Variants in CPNE8 observed in about 807,000 individuals in gnomAD.
CPNE8 encodes copine-8.
CPNE8 carries 45 observed loss-of-function variants against 81.5 expected under a neutral mutation model. The ratio of observed to expected loss-of-function variants is 0.55; its 90% CI spans 0.44 to 0.71. The LOEUF (loss-of-function observed/expected upper bound fraction) is 0.71, where lower values mean the gene tolerates loss of function less well. Among genes scored for constraint, CPNE8 ranks in the 30% least tolerant of loss-of-function variants. The pLI is 0.00. For missense variants in CPNE8, 594 were observed against 672.1 expected (o/e 0.88, Z 1.28); for synonymous variants, 252 against 226.3 (o/e 1.11, Z -1.02).
intron 4 of CPNE8, among the ~76,000 whole-genome samples, chr12:38,846,234 T>C (rs1334106892): frequency 6.6e-6 from 1 of 152,124 alleles, no homozygotes; most frequent in Non-Finnish European, 1.5e-5. Flanking sequence ...GGATCTCCAA[T>C]GTTGAAATCA....
chr12:38,793,554 C>T (rs984289227), intron 6 of CPNE8, among the ~76,000 whole-genome samples: 5 of 151,766 alleles, frequency 3.3e-5, no homozygotes. Context: ...CAAAACACTG[C>T]TGAAAGAAAT....
intron 19 of CPNE8, among the ~76,000 whole-genome samples, chr12:38,666,099 A>C (rs1051219344): frequency 1.2e-4 from 18 of 152,332 alleles, no homozygotes; most frequent in African/African-American, 4.3e-4. Flanking sequence ...TGCACGTAAG[A>C]GGAAACTGAA....
chr12:38,705,847 T>C (rs750209802), intron 13 of CPNE8, among the ~76,000 whole-genome samples: 1 of 151,892 alleles, frequency 6.6e-6, no homozygotes, highest in Non-Finnish European at 1.5e-5. Flanking sequence ...AGAAAAAAAA[T>C]GAGAACTGAA....
At chr12:38,805,881 G>A (rs1942789202) in intron 6 of CPNE8, among the ~76,000 whole-genome samples, 1 of 149,234 alleles carries the variant, frequency 6.7e-6, no homozygotes, top group African/African-American at 2.4e-5. Flanking sequence ...GAAGAAGAGA[G>A]AAGAATCAAA....
At position 38,653,518 on chromosome 12, in the gene CPNE8, A is replaced by G. The variant is rs1362713850; in HGVS notation, c.*364T>C. 5.9e-6 allele frequency: 1 copy of G among 168,798 alleles called. No homozygotes were observed. Among genetic ancestry groups the G allele is most frequent in the East Asian group, 1.6e-4 (1 of 6,162 alleles). The allele number at this position is 168,798 out of a possible 1,614,324, so 10.5% of individuals were successfully genotyped here. ...GTAACATGTAAACATTGATACAGAGACTGCTTTCCTATACACATAGCAGTC... is the reference window on the plus strand; with the variant it reads ...GTAACATGTAAACATTGATACAGAGGCTGCTTTCCTATACACATAGCAGTC... On this transcript the variant is annotated 3_prime_UTR_variant, in exon 20 of 20. Transcript: ENST00000331366.
intron 16 of CPNE8, among the ~76,000 whole-genome samples, chr12:38,678,547 A>G (rs548912480): frequency 6.6e-6 from 1 of 152,078 alleles, no homozygotes; most frequent in South Asian, 2.1e-4. Flanking sequence ...TGAAGGATTA[A>G]TGAAAATTCC....
chr12:38,761,789 T>C (rs1462037139), intron 9 of CPNE8, among the ~76,000 whole-genome samples: 1 of 152,208 alleles, frequency 6.6e-6, no homozygotes, highest in Non-Finnish European at 1.5e-5. Context: ...AACCATGAGT[T>C]ATGCCAAATA....
At chr12:38,877,931 T>C (rs1281767952) in intron 1 of CPNE8, among the ~76,000 whole-genome samples, 1 of 152,150 alleles carries the variant, frequency 6.6e-6, no homozygotes, top group Non-Finnish European at 1.5e-5. Context: ...ATGCAGGTCA[T>C]AAAGACCCTT....
At chr12:38,723,566 C>A (rs1006014111) in intron 13 of CPNE8, among the ~76,000 whole-genome samples, 3 of 152,152 alleles carry the variant, frequency 2.0e-5, no homozygotes, top group Non-Finnish European at 2.9e-5. Context: ...ACAATATTTT[C>A]TTTTGGTTAA....
rs1320448186 is a variant in CPNE8 at position 38,819,443 on chromosome 12, A to G, written c.407+9936T>C. Among the ~76,000 whole-genome samples, 3 of 152,188 alleles carry G rather than the reference A, an allele frequency of 2.0e-5. No homozygotes were observed. In the East Asian group the frequency reaches 5.8e-4, roughly 29 times the overall value. On this transcript the variant is annotated intron_variant, in intron 6 of 19. Coordinates refer to ENST00000331366, the MANE Select transcript of CPNE8 (RefSeq NM_153634.3). ...TCACAGCTCCCTTTTATTTGCTTTG[A>G]TAACTAACATCCACCTGAGAATAAG...
chr12:38,682,863 G>T (rs1043830519), intron 16 of CPNE8, among the ~76,000 whole-genome samples: 1 of 152,126 alleles, frequency 6.6e-6, no homozygotes, highest in African/African-American at 2.4e-5. Flanking sequence ...GTTGAATACT[G>T]GATGTTCTTG....
intron 1 of CPNE8, among the ~76,000 whole-genome samples, chr12:38,879,258 A>T (rs1244241585): frequency 6.6e-6 from 1 of 151,916 alleles, no homozygotes; most frequent in Non-Finnish European, 1.5e-5. Context: ...CTGAGATTCA[A>T]ATTGCCAGAT....
intron 6 of CPNE8, among the ~76,000 whole-genome samples, chr12:38,814,793 C>A (rs1368804312): frequency 1.3e-5 from 2 of 152,002 alleles, no homozygotes; most frequent in Non-Finnish European, 2.9e-5. Flanking sequence ...TATAGTAACA[C>A]TAATTATAGC....
chr12:38,709,612 A>G (rs1940198574), intron 13 of CPNE8, among the ~76,000 whole-genome samples: 1 of 152,104 alleles, frequency 6.6e-6, no homozygotes, highest in Admixed American at 6.6e-5. Flanking sequence ...TAAGTAGATG[A>G]CTCATTATTA....
At chr12:38,839,829 T>C (rs1055212088) in intron 5 of CPNE8, 87 bp downstream of exon 5, 14 of 1,174,666 alleles carry the variant, frequency 1.2e-5, no homozygotes, top group African/African-American at 4.7e-5. Flanking sequence ...AATAACTTAA[T>C]AGATGTATAA....
rs915806623 is a variant in CPNE8 at position 38,875,435 on chromosome 12, A to T, written c.99-924T>A. Among the ~76,000 whole-genome samples, 3 of 152,318 alleles carry T rather than the reference A, an allele frequency of 2.0e-5. No individual in the cohort carries two copies. The Middle Eastern group carries it at 0.01, about 518-fold the overall frequency. On this transcript the variant is annotated intron_variant, in intron 1 of 19. Coordinates refer to ENST00000331366, the MANE Select transcript of CPNE8 (RefSeq NM_153634.3). ...CTAAAAGTTCAAATTTGTGTTTAAT[A>T]ATCATCTTCCATTAATTAAAATGGA...
At chr12:38,667,051 C>A (rs1015624080) in intron 19 of CPNE8, among the ~76,000 whole-genome samples, 1 of 151,986 alleles carries the variant, frequency 6.6e-6, no homozygotes, top group Admixed American at 6.6e-5. Context: ...CTAATAAAAC[C>A]CTATCTACTA....
chr12:38,852,911 A>G (rs1943669073), intron 3 of CPNE8, among the ~76,000 whole-genome samples: 1 of 152,162 alleles, frequency 6.6e-6, no homozygotes, highest in South Asian at 2.1e-4. Context: ...ATTATCATCT[A>G]ATTTTTTAAA....
intron 5 of CPNE8, among the ~76,000 whole-genome samples, chr12:38,831,901 G>A (rs1259171191): frequency 6.6e-6 from 1 of 152,174 alleles, no homozygotes; most frequent in African/African-American, 2.4e-5. Flanking sequence ...ATATTAAATG[G>A]ACTTTGCCAA....
Sources: allele counts gnomAD v4.1 joint callset (sites outside exome capture counted in the v4.1 genomes callset), GRCh38; gene constraint gnomAD v4.1.1; transcripts MANE v1.5; gene names NCBI Gene and HGNC (gene_info 2026-07-23, HGNC 2026-07-21).